The following GNB5 variants were observed in gnomAD, a reference collection of about 807,000 sequenced individuals.
The protein encoded by GNB5 is G protein subunit beta 5.
In GNB5, 37 loss-of-function variants were observed where a neutral mutation model predicts 55.3. The ratio of observed to expected loss-of-function variants is 0.67; its 90% CI spans 0.51 to 0.88. The LOEUF is 0.88. Among genes scored for constraint, GNB5 ranks in the 40% least tolerant of loss-of-function variants. GNB5 has a pLI of 0.00. For missense variants in GNB5, 476 were observed against 515.3 expected, an observed-to-expected ratio of 0.92 and a Z score of 0.74; for synonymous variants, 219 against 198.5, an observed-to-expected ratio of 1.10 and a Z score of -0.87.
In GNB5 at chr15:52,161,070, C is replaced by A. The variant is rs535863478; in HGVS notation, c.239-6994G>T. ...GCACTGGGCTGAGTGCTTTACACAA[C>A]AGCCTGAGGACAAAGGCTTTATCTC... On this transcript the variant is annotated intron_variant, in intron 3 of 12. Coordinates refer to ENST00000261837, the MANE Select transcript of GNB5 (RefSeq NM_016194.4). 4.6e-5 allele frequency among the ~76,000 whole-genome samples: 7 copies of A among 152,316 alleles called. No individual in the cohort carries two copies. The South Asian group carries it at 1.5e-3, about 32-fold the overall frequency.
rs550630491 is a variant in GNB5, at chr15:52,153,559, C to T, written c.375+381G>A. Among the ~76,000 whole-genome samples the T allele has an allele frequency of 2.0e-5, 3 of 152,232 alleles. No homozygotes were observed. The South Asian group carries it at 6.2e-4, about 32-fold the overall frequency. ...GTATTTTACAAGATCTGTATCTTAACATTGTTCTTTATGACATAAGAATTG... is the reference window on the plus strand; with the variant it reads ...GTATTTTACAAGATCTGTATCTTAATATTGTTCTTTATGACATAAGAATTG... On this transcript the variant is annotated intron_variant, in intron 4 of 12. Transcript: ENST00000261837.
chr15:52,171,238 A>T (rs1370503912), intron 3 of GNB5, among the ~76,000 whole-genome samples: 3 of 152,176 alleles, frequency 2.0e-5, no homozygotes, highest in African/African-American at 7.2e-5. Flanking sequence ...TAATGATGAC[A>T]TTAAAAGAAA....
intron 5 of GNB5, chr15:52,149,431 C>G (rs2034044717): frequency 3.1e-6 from 1 of 318,910 alleles, no homozygotes; most frequent in Non-Finnish European, 5.7e-6. Flanking sequence ...GGGGATCAGA[C>G]TGCATCACAG....
chr15:52,167,287 A>C (rs1444850816), intron 3 of GNB5, among the ~76,000 whole-genome samples: 3 of 152,206 alleles, frequency 2.0e-5, no homozygotes, highest in African/African-American at 7.2e-5. Flanking sequence ...AAACTATTCT[A>C]AACAATTGAA....
intron 7 of GNB5, chr15:52,140,153 G>T: frequency 4.3e-6 from 1 of 234,088 alleles, no homozygotes; most frequent in Non-Finnish European, 8.5e-6. Context: ...CCAGCCACCT[G>T]ACCTCCCTGC....
intron 3 of GNB5, among the ~76,000 whole-genome samples, chr15:52,169,470 G>A (rs764197518): frequency 1.6e-4 from 24 of 148,768 alleles, no homozygotes; most frequent in African/African-American, 4.7e-4. Context: ...CCCAGGAGGC[G>A]GAGGTTGCAG....
intron 1 of GNB5, among the ~76,000 whole-genome samples, chr15:52,189,191 C>T (rs1438669993): frequency 1.3e-5 from 2 of 152,172 alleles, no homozygotes; most frequent in South Asian, 2.1e-4. Context: ...AGCCGTTTTC[C>T]AATGGTGCAG....
intron 3 of GNB5, among the ~76,000 whole-genome samples, chr15:52,154,968 T>C (rs1036138566): frequency 1.3e-5 from 2 of 152,164 alleles, no homozygotes; most frequent in Non-Finnish European, 2.9e-5. Context: ...CTGATGAGTC[T>C]GAGAGGGACA....
At chr15:52,180,626 C>A (rs1163052812) in intron 2 of GNB5, 1 of 152,182 alleles carries the variant, frequency 6.6e-6, no homozygotes, top group African/African-American at 2.4e-5. Context: ...AGACCTGGGG[C>A]TTCTGAGCCC....
rs1168734914 is a variant in GNB5, at chr15:52,136,172, A to ACACACACCC, written c.628-417_628-416insGGGTGTGTG. The stretch of plus-strand genomic sequence containing the variant: ...CACACACACACACACACACACACAC[A>ACACACACCC]CCCTACCTGCTGTATCTGGGTTCAT... On this transcript the variant is annotated intron_variant, in intron 7 of 12. Transcript: ENST00000261837. Among the ~76,000 whole-genome samples the ACACACACCC allele has an allele frequency of 3.3e-4, 33 of 100,112 alleles. 1 individual carries two copies. Among genetic ancestry groups the ACACACACCC allele is most frequent in the South Asian group, 1.0e-3 (3 of 2,988 alleles). The allele number at this position is 100,112 out of a possible 152,430, so 65.7% of individuals were successfully genotyped here.
intron 3 of GNB5, among the ~76,000 whole-genome samples, chr15:52,176,537 G>T (rs2034654133): frequency 6.6e-6 from 1 of 152,172 alleles, no homozygotes; most frequent in Non-Finnish European, 1.5e-5. Context: ...GCGAGTCTGG[G>T]CTGGGGTAAG....
intron 2 of GNB5, 120 bp from the exon 3 acceptor site, chr15:52,179,999 G>T: frequency 3.2e-6 from 4 of 1,250,864 alleles, no homozygotes; most frequent in Non-Finnish European, 4.0e-6. Flanking sequence ...CGCCCTCCGC[G>T]ATGACGCCAG....
At chr15:52,185,924 A>G (rs1462367937) in intron 1 of GNB5, among the ~76,000 whole-genome samples, 2 of 152,064 alleles carry the variant, frequency 1.3e-5, no homozygotes, top group Non-Finnish European at 2.9e-5. Flanking sequence ...GATTACAGGC[A>G]TAAGACACCA....
At chr15:52,140,480 C>A (rs909973106) in intron 7 of GNB5, among the ~76,000 whole-genome samples, 1 of 152,224 alleles carries the variant, frequency 6.6e-6, no homozygotes, top group African/African-American at 2.4e-5. Context: ...CCAGTTCCCC[C>A]ACTGTCCAAC....
At chr15:52,184,759 C>T in intron 1 of GNB5, 65 bp from the exon 2 acceptor site, 1 of 1,366,618 alleles carries the variant, frequency 7.3e-7, no homozygotes. Context: ...TTTCTAAAAT[C>T]TCTTCTTGCT....
At chr15:52,155,208 A>G (rs2034181307) in intron 3 of GNB5, among the ~76,000 whole-genome samples, 1 of 152,166 alleles carries the variant, frequency 6.6e-6, no homozygotes, top group African/African-American at 2.4e-5. Flanking sequence ...GGAAGAGGGC[A>G]TTTTCAGGGG....
chr15:52,154,745 A>C (rs897514905), intron 3 of GNB5, among the ~76,000 whole-genome samples: 5 of 152,214 alleles, frequency 3.3e-5, no homozygotes, highest in African/African-American at 1.2e-4. Context: ...ACTGCCAAGC[A>C]AGCTGTCTGC....
chr15:52,165,785 C>A (rs565150423), intron 3 of GNB5, among the ~76,000 whole-genome samples: 1 of 152,054 alleles, frequency 6.6e-6, no homozygotes, highest in South Asian at 2.1e-4. Flanking sequence ...CCTACACAAA[C>A]AAGTCTGCAA....
chr15:52,147,462 C>A lies in GNB5; in HGVS notation c.491G>T (p.Cys164Phe). The A allele has an allele frequency of 6.3e-7, 1 of 1,581,784 alleles. No homozygotes were observed. The highest frequency in any genetic ancestry group is 8.7e-7 in the Non-Finnish European group (1 of 1,150,496). Reference protein sequence around the residue: ...AYAPSGCAIACGGLDNKCSVY... With the variant: ...AYAPSGCAIAFGGLDNKCSVY... The stretch of plus-strand genomic sequence containing the variant: ...AGCTGCTGTAGCTCCAACTTACCCA[C>A]AAGCAATGGCACATCCCGATGGGGC... Residue 164 changes from cysteine to phenylalanine, a missense_variant, in exon 6 of 13, where the codon TGT (cysteine) becomes TTT (phenylalanine). Coordinates refer to ENST00000261837, the MANE Select transcript of GNB5 (RefSeq NM_016194.4).
Sources: allele counts gnomAD v4.1 joint callset (sites outside exome capture counted in the v4.1 genomes callset), GRCh38; gene constraint gnomAD v4.1.1; transcripts MANE v1.5; gene names NCBI Gene and HGNC (gene_info 2026-07-23, HGNC 2026-07-21).